Variants in SYNPR observed in about 807,000 individuals in gnomAD.
SYNPR encodes synaptoporin.
SYNPR carries 23 observed loss-of-function variants against 32.9 expected under a neutral mutation model. The observed-to-expected ratio is 0.70, with a 90% CI of 0.50 to 0.99. The LOEUF (loss-of-function observed/expected upper bound fraction) is 0.99, where lower values mean the gene tolerates loss of function less well. Among genes scored for constraint, SYNPR ranks in the 50% least tolerant of loss-of-function variants. The pLI is 0.00. For missense variants in SYNPR, 318 were observed against 349.3 expected (o/e 0.91, Z 0.71); for synonymous variants, 146 against 135.9 (o/e 1.07, Z -0.52).
At chr3:63,313,150 G>A (rs1252310895) in intron 2 of SYNPR, among the ~76,000 whole-genome samples, 1 of 151,976 alleles carries the variant, frequency 6.6e-6, no homozygotes, top group African/African-American at 2.4e-5. Flanking sequence ...TTGAAAGAAT[G>A]AATAAATGAA....
At chr3:63,385,343 G>C (rs1052435250) in intron 2 of SYNPR, among the ~76,000 whole-genome samples, 1 of 152,148 alleles carries the variant, frequency 6.6e-6, no homozygotes, top group African/African-American at 2.4e-5. Flanking sequence ...GCACCAAACT[G>C]AGACTTTCTT....
At chr3:63,330,863 C>G (rs1423912911) in intron 2 of SYNPR, among the ~76,000 whole-genome samples, 1 of 152,056 alleles carries the variant, frequency 6.6e-6, no homozygotes, top group Non-Finnish European at 1.5e-5. Flanking sequence ...TCTTGATGAT[C>G]CACCTCATTA....
intron 4 of SYNPR, among the ~76,000 whole-genome samples, chr3:63,578,122 T>C (rs1703023669): frequency 6.6e-6 from 1 of 152,170 alleles, no homozygotes; most frequent in Non-Finnish European, 1.5e-5. Flanking sequence ...AGGCCCAAGA[T>C]GTGTGCAATC....
rs181105291 is a variant in SYNPR at position 63,541,539 on chromosome 3, T to G, written c.210-15004T>G. Reference sequence around the variant, plus strand: ...GAGTTCTGGAATAGTTACATAGATTTAAGATGGAAATCTTAACTTAGGGTG... The same window carrying G: ...GAGTTCTGGAATAGTTACATAGATTGAAGATGGAAATCTTAACTTAGGGTG... On this transcript the variant is annotated intron_variant, in intron 3 of 5. Transcript: ENST00000478300. Among the ~76,000 whole-genome samples, 24 of 152,262 alleles carry G rather than the reference T, an allele frequency of 1.6e-4. No homozygotes were observed. In the East Asian group the frequency reaches 4.1e-3, roughly 26 times the overall value.
At chr3:63,420,609 G>A (rs918756497) in intron 2 of SYNPR, among the ~76,000 whole-genome samples, 1 of 151,932 alleles carries the variant, frequency 6.6e-6, no homozygotes. Flanking sequence ...TTTAAAAATG[G>A]AAAATATCTT....
At chr3:63,325,598 G>A (rs2087157527) in intron 2 of SYNPR, among the ~76,000 whole-genome samples, 1 of 152,100 alleles carries the variant, frequency 6.6e-6, no homozygotes, top group South Asian at 2.1e-4. Context: ...GCCCCTGCTG[G>A]CCTCCTACAC....
chr3:63,546,343 T>C (rs533903246), intron 3 of SYNPR, among the ~76,000 whole-genome samples: 38 of 152,230 alleles, frequency 2.5e-4, no homozygotes, highest in Non-Finnish European at 3.8e-4. Flanking sequence ...CACAGTTTCA[T>C]GTTGAAATGT....
intron 2 of SYNPR, among the ~76,000 whole-genome samples, chr3:63,334,281 T>C (rs1299370475): frequency 6.6e-6 from 1 of 152,206 alleles, no homozygotes; most frequent in Non-Finnish European, 1.5e-5. Flanking sequence ...GCTCAATACT[T>C]AAAATCAGAA....
intron 4 of SYNPR, among the ~76,000 whole-genome samples, chr3:63,574,468 C>T (rs942027035): frequency 3.9e-5 from 6 of 152,042 alleles, no homozygotes. Context: ...ATGAGTAATT[C>T]TCAGTGGTGA....
At chr3:63,338,589 G>C (rs2087324158) in intron 2 of SYNPR, among the ~76,000 whole-genome samples, 1 of 152,188 alleles carries the variant, frequency 6.6e-6, no homozygotes, top group South Asian at 2.1e-4. Context: ...ATAGAGAACT[G>C]TGGACCAGAT....
At position 63,477,561 on chromosome 3, in the gene SYNPR, C is replaced by G. The variant is rs146795769; in HGVS notation, c.85-3271C>G. On this transcript the variant is annotated intron_variant, in intron 2 of 5. Transcript: ENST00000478300. ...TGGCTTTATTCAGCAGCTCTCTCAT[C>G]AGCAGCTTACTCACACCTTTATCTC... Among the ~76,000 whole-genome samples the G allele has an allele frequency of 3.1e-3, 470 of 152,260 alleles. 6 individuals carry two copies. Among genetic ancestry groups the G allele is most frequent in the South Asian group, 0.02 (96 of 4,820 alleles).
At chr3:63,236,358 G>T (rs879678348) in intron 1 of SYNPR, among the ~76,000 whole-genome samples, 10 of 151,836 alleles carry the variant, frequency 6.6e-5, no homozygotes, top group Non-Finnish European at 1.5e-4. Flanking sequence ...AACCATTTTA[G>T]GGCCTATGTT....
chr3:63,259,122 C>T (rs1385809248), intron 2 of SYNPR, among the ~76,000 whole-genome samples: 6 of 152,126 alleles, frequency 3.9e-5, no homozygotes, highest in South Asian at 2.1e-4. Context: ...GATGGATTCA[C>T]AGCTGAATTC....
intron 2 of SYNPR, among the ~76,000 whole-genome samples, chr3:63,306,480 C>T (rs1463198011): frequency 6.6e-6 from 1 of 151,664 alleles, no homozygotes; most frequent in Non-Finnish European, 1.5e-5. Flanking sequence ...CTGACAGATC[C>T]CTAGGAATTT....
chr3:63,328,820 GGTGGC>G (rs1252752889), intron 2 of SYNPR, among the ~76,000 whole-genome samples: 1 of 152,100 alleles, frequency 6.6e-6, no homozygotes, highest in African/African-American at 2.4e-5. Flanking sequence ...GTATTACAGT[GGTGGC>G]TTTATTTTCT....
the SYNPR span, among the ~76,000 whole-genome samples, chr3:63,203,837 A>C: frequency 0.028 from 4,185 of 152,166 alleles, 72 homozygotes; most frequent in Non-Finnish European, 0.043. Context: ...TCTCTACTAA[A>C]TAATACAAAA....
intron 3 of SYNPR, among the ~76,000 whole-genome samples, chr3:63,546,478 G>A (rs1297487728): frequency 6.6e-6 from 1 of 152,024 alleles, no homozygotes; most frequent in Admixed American, 6.6e-5. Context: ...ATGGAAATGG[G>A]AGCTACATGC....
intron 1 of SYNPR, among the ~76,000 whole-genome samples, chr3:63,248,931 A>G (rs1269514032): frequency 6.9e-6 from 1 of 144,624 alleles, no homozygotes; most frequent in Non-Finnish European, 1.5e-5. Flanking sequence ...GCTCTGTGTT[A>G]GTGACTCAGT....
intron 4 of SYNPR, among the ~76,000 whole-genome samples, chr3:63,564,944 C>CT (rs1371852647): frequency 1.1e-4 from 16 of 152,310 alleles, no homozygotes; most frequent in East Asian, 5.8e-4. Context: ...GAGTCTGTGC[C>CT]TTTGGTGGGC....
Sources: gnomAD v4.1 joint callset for allele counts (sites outside exome capture counted in the v4.1 genomes callset) on GRCh38, gnomAD v4.1.1 for gene constraint, MANE v1.5 for transcripts, NCBI Gene and HGNC (gene_info 2026-07-23, HGNC 2026-07-21) for gene names.